Variants in RADX observed in about 807,000 individuals in gnomAD.
RADX encodes RPA1 related single stranded DNA binding protein, X-linked.
RADX carries 36 observed loss-of-function variants against 61.6 expected under a neutral mutation model. The observed-to-expected ratio is 0.58, with a 90% CI of 0.45 to 0.77. The LOEUF (loss-of-function observed/expected upper bound fraction) is 0.77. Among genes scored for constraint, RADX ranks in the 30% least tolerant of loss-of-function variants. The pLI, the probability that RADX is intolerant of heterozygous loss-of-function variation, is 0.00. For missense variants in RADX, 497 were observed against 651.1 expected, an observed-to-expected ratio of 0.76 and a Z score of 2.58; for synonymous variants, 272 against 237.9, an observed-to-expected ratio of 1.14 and a Z score of -1.32.
At chrX:106,674,808 G>A (rs746374297) in intron 13 of RADX, among the ~76,000 whole-genome samples, 49 of 111,352 alleles carry the variant, frequency 4.4e-4, no homozygotes, top group Admixed American at 4.0e-3. Context: ...GGCGGATCAC[G>A]AGGTTAAGAG....
intron 1 of RADX, among the ~76,000 whole-genome samples, chrX:106,615,704 CT>C (rs542464055): frequency 0.11 from 11,147 of 104,054 alleles, 1,499 homozygotes; most frequent in African/African-American, 0.37. Context: ...ATCCACAACT[CT>C]TTTTTTTTTT....
Position 106,662,275 on chromosome X carries a change from A to G in RADX, c.2239A>G (p.Ser747Gly), listed in dbSNP as rs1928121122. The change falls in exon 12 of 14, where the codon AGC (serine) becomes GGC (glycine). Residue 747 changes from serine (S) to glycine (G), a missense_variant. Around this residue, in one of 3 missense-constraint regions of RADX, gnomAD observed 267 missense variants for 306.9 expected, o/e 0.87. Transcript: ENST00000372548. ...PKLDDFKSAR[S>G]LGHFEVTILG... is the part of the protein sequence containing the mutation. ...ACTTGATGATTTTAAGAGCGCCCGA[A>G]GCCTTGGACATTTTGAAGTAACCAT... 1 of 1,208,028 alleles carries G rather than the reference A, an allele frequency of 8.3e-7. No homozygotes were observed. The highest frequency in any genetic ancestry group is 1.8e-5 in the South Asian group (1 of 56,473).
chrX:106,656,439 A>T (rs915400375), intron 11 of RADX, among the ~76,000 whole-genome samples: 3 of 112,211 alleles, frequency 2.7e-5, no homozygotes, highest in African/African-American at 9.7e-5. Flanking sequence ...TTTAAATGGC[A>T]TCTAGAATGG....
intron 12 of RADX, among the ~76,000 whole-genome samples, chrX:106,666,224 C>A (rs781540928): frequency 8.9e-6 from 1 of 111,829 alleles, no homozygotes; most frequent in Non-Finnish European, 1.9e-5. Context: ...CATTAAGATA[C>A]ACAATAGTGT....
intron 1 of RADX, among the ~76,000 whole-genome samples, chrX:106,621,064 G>C (rs1239966076): frequency 8.9e-6 from 1 of 111,879 alleles, no homozygotes; most frequent in Non-Finnish European, 1.9e-5. Context: ...ATTTATTCCA[G>C]ACAATAAAGG....
chrX:106,620,411 G>A (rs1052859895), intron 1 of RADX, among the ~76,000 whole-genome samples: 3 of 111,206 alleles, frequency 2.7e-5, no homozygotes, highest in Non-Finnish European at 5.7e-5. Flanking sequence ...GGTGGCTCAC[G>A]CTTGTAATCT....
intron 8 of RADX, chrX:106,638,338 C>T (rs1412618315): frequency 4.4e-5 from 5 of 112,637 alleles, no homozygotes; most frequent in Admixed American, 3.8e-4. Flanking sequence ...TCTCGGCTCA[C>T]TGCAAGCTCC....
intron 13 of RADX, among the ~76,000 whole-genome samples, chrX:106,673,690 AC>A (rs1928427991): frequency 4.0e-5 from 3 of 74,157 alleles, no homozygotes; most frequent in African/African-American, 2.5e-4. Flanking sequence ...CCCCCCCCAC[AC>A]ACACACACCG....
intron 1 of RADX, among the ~76,000 whole-genome samples, chrX:106,614,890 T>G (rs1159176150): frequency 8.9e-6 from 1 of 111,738 alleles, no homozygotes; most frequent in African/African-American, 3.3e-5. Flanking sequence ...CTTGATAAAT[T>G]TTCACGTACA....
intron 11 of RADX, among the ~76,000 whole-genome samples, chrX:106,651,244 C>A (rs1035852701): frequency 9.1e-6 from 1 of 110,436 alleles, no homozygotes; most frequent in Non-Finnish European, 1.9e-5. Flanking sequence ...GATTTATCAA[C>A]AAAGAAAACA....
chrX:106,660,644 T>C (rs1163757291), intron 11 of RADX, among the ~76,000 whole-genome samples: 2 of 112,182 alleles, frequency 1.8e-5, no homozygotes, highest in African/African-American at 6.5e-5. Context: ...GCAGAACTGT[T>C]GTTCCAAAAT....
At chrX:106,628,724 A>G (rs1161041276) in intron 3 of RADX, among the ~76,000 whole-genome samples, 1 of 108,108 alleles carries the variant, frequency 9.3e-6, no homozygotes, top group Non-Finnish European at 1.9e-5. Context: ...GCTCACTGCA[A>G]CCTTCACCTC....
At chrX:106,658,239 C>A (rs1388865659) in intron 11 of RADX, among the ~76,000 whole-genome samples, 4 of 111,851 alleles carry the variant, frequency 3.6e-5, no homozygotes, top group African/African-American at 1.3e-4. Flanking sequence ...ATTTCTGATA[C>A]AATCAACTAT....
intron 3 of RADX, among the ~76,000 whole-genome samples, chrX:106,632,091 T>A (rs1927248507): frequency 8.9e-6 from 1 of 111,772 alleles, no homozygotes. Flanking sequence ...CATACAAAAA[T>A]TTTTAAACAA....
chrX:106,616,270 C>G (rs947343395), intron 1 of RADX, among the ~76,000 whole-genome samples: 1 of 111,588 alleles, frequency 9.0e-6, no homozygotes, highest in Non-Finnish European at 1.9e-5. Context: ...AATCATGACT[C>G]TTTTCACAAT....
At chrX:106,653,694 A>C (rs1927859084) in intron 11 of RADX, among the ~76,000 whole-genome samples, 1 of 110,089 alleles carries the variant, frequency 9.1e-6, no homozygotes, top group African/African-American at 3.3e-5. Context: ...CTAGCCCCCA[A>C]CATGCCGACA....
intron 3 of RADX, among the ~76,000 whole-genome samples, chrX:106,631,792 G>GAGAA (rs375229804): frequency 0.1 from 10,432 of 100,200 alleles, 1,536 homozygotes; most frequent in African/African-American, 0.37. Context: ...AGAAAAGAAA[G>GAGAA]AGAAAGAAAG....
intron 11 of RADX, among the ~76,000 whole-genome samples, chrX:106,656,015 GC>G (rs1394364363): frequency 8.9e-6 from 1 of 112,134 alleles, no homozygotes; most frequent in Non-Finnish European, 1.9e-5. Context: ...CTGTTTGACA[GC>G]ATTTTACCCA....
chrX:106,665,712 C>A (rs1348951335), intron 12 of RADX, among the ~76,000 whole-genome samples: 1 of 111,947 alleles, frequency 8.9e-6, no homozygotes, highest in East Asian at 2.8e-4. Flanking sequence ...TCTGCAATAT[C>A]TTGCAAGTCT....
Sources: allele counts gnomAD v4.1 joint callset (sites outside exome capture counted in the v4.1 genomes callset), GRCh38; gene constraint gnomAD v4.1.1; regional missense constraint gnomAD v4.1.1; transcripts MANE v1.5; gene names NCBI Gene and HGNC (gene_info 2026-07-23, HGNC 2026-07-21).